C11orf65: variants seen among roughly 807,000 people sequenced by gnomAD.
The protein encoded by C11orf65 is chromosome 11 open reading frame 65, also known as protein MFI.
In C11orf65, 38 loss-of-function variants were observed where a neutral mutation model predicts 35.3. That is an observed-to-expected ratio of 1.08 (90% CI 0.83 to 1.41). The LOEUF is 1.41. Ranked by LOEUF, C11orf65 falls within the 40% of genes most tolerant of loss-of-function variation. The pLI, the probability that C11orf65 is intolerant of heterozygous loss-of-function variation, is 0.00. For synonymous variants in C11orf65, 105 were observed against 114.4 expected (o/e 0.92, Z 0.53); for missense variants, 370 against 367.1 (o/e 1.01, Z -0.06).
At position 108,383,030 on chromosome 11, in the gene C11orf65, A is replaced by C. The variant is rs139000214; in HGVS notation, c.933T>G (p.Tyr311Ter). ...NVTRLTPDST[Y>*]GL ...ATAGAAATAAAGTACTTTATAGTCC[A>C]TAAGTAGAATCAGGCGTTAATCTAG... Residue 311 changes from tyrosine (Y) to a stop codon, truncating the protein, a stop_gained, in exon 9 of 9, where the codon TAT becomes TAG. Transcript: ENST00000393084. LOFTEE classifies it high-confidence loss of function. The C allele has an allele frequency of 6.2e-7, 1 of 1,610,944 alleles. No homozygotes were observed. Among genetic ancestry groups the C allele is most frequent in the Non-Finnish European group, 8.5e-7 (1 of 1,179,320 alleles).
At chr11:108,433,247 A>ATC (rs2093015544) in intron 2 of C11orf65, among the ~76,000 whole-genome samples, 1 of 149,180 alleles carries the variant, frequency 6.7e-6, no homozygotes, top group Admixed American at 6.7e-5. Context: ...AAATTTATAT[A>ATC]TATATATCTC....
rs2084051654 is a variant in C11orf65, at chr11:108,310,410, A to ATT, written c.641-1341_641-1340dup. 5 of 1,150,970 alleles carry ATT rather than the reference A, an allele frequency of 4.3e-6. No individual in the cohort carries two copies. The South Asian group carries it at 6.1e-5, about 14-fold the overall frequency. 71.3% of individuals were successfully genotyped at this position (1,150,970 alleles called of 1,614,324 possible). On this transcript the variant is annotated intron_variant, in intron 6 of 6. Transcript: ENST00000525729. ...AGATTTATTTTGCCTCCTGTTCCCC[A>ATT]TTTAAAAGATATTTTAGATAGAAAT...
chr11:108,336,135 A>G lies in C11orf65; in HGVS notation c.227-843T>C. On this transcript the variant is annotated intron_variant, in intron 2 of 3. Coordinates refer to the C11orf65 transcript ENST00000524755. Reference sequence around the variant, plus strand: ...AACATAGTGAGACCCCATCTTGACAAAAAGTTAAAAAAAAAAAAAAAGCCA... The same window carrying G: ...AACATAGTGAGACCCCATCTTGACAGAAAGTTAAAAAAAAAAAAAAAGCCA... The G allele has an allele frequency of 5.4e-6, 3 of 557,824 alleles. No homozygotes were observed. The South Asian group carries it at 6.2e-5, about 12-fold the overall frequency. The allele number at this position is 557,824 out of a possible 1,614,324, so 34.6% of individuals were successfully genotyped here. A position where few individuals can be genotyped will look rare whatever the true frequency, so the allele number is the denominator to read the frequency against.
chr11:108,404,586 C>CT (rs71047693), intron 6 of C11orf65, among the ~76,000 whole-genome samples: 5,433 of 136,776 alleles, frequency 0.04, 300 homozygotes, highest in African/African-American at 0.12. Flanking sequence ...TTTTTCTTTT[C>CT]TTTTTTTTTT....
At chr11:108,462,446 A>T (rs1263859815) in intron 1 of C11orf65, 1 of 152,266 alleles carries the variant, frequency 6.6e-6, no homozygotes, top group East Asian at 1.9e-4. Flanking sequence ...TGCTTGTGTT[A>T]GAGATGAGGA....
At chr11:108,443,456 A>C (rs1439592916) in intron 2 of C11orf65, among the ~76,000 whole-genome samples, 1 of 152,216 alleles carries the variant, frequency 6.6e-6, no homozygotes, top group South Asian at 2.1e-4. Flanking sequence ...AATTGAACTC[A>C]GCTCTGCACC....
At chr11:108,325,631 G>A (rs1386993676) in intron 6 of C11orf65, 4 of 1,122,956 alleles carry the variant, frequency 3.6e-6, no homozygotes, top group Admixed American at 2.0e-5. Flanking sequence ...AAAAAGAAAT[G>A]TCATTAAGAG....
rs140358542 is a variant in C11orf65, at chr11:108,407,749, G to A, written c.175-600C>T. ...AATGAGGTCAGGAGATCGAGACCACGGTGAAACCCCGTCTCTACTAAAAAT... is the reference window on the plus strand; with the variant it reads ...AATGAGGTCAGGAGATCGAGACCACAGTGAAACCCCGTCTCTACTAAAAAT... On this transcript the variant is annotated intron_variant, in intron 3 of 8. Coordinates refer to ENST00000393084, the MANE Select transcript of C11orf65 (RefSeq NM_152587.5). 7.9e-3 allele frequency among the ~76,000 whole-genome samples: 1,198 copies of A among 150,838 alleles called. 8 individuals are homozygous for A. Among genetic ancestry groups the A allele is most frequent in the African/African-American group, 0.025 (1,014 of 41,268 alleles).
intron 2 of C11orf65, among the ~76,000 whole-genome samples, chr11:108,453,803 C>T (rs74680815): frequency 0.012 from 1,888 of 152,226 alleles, 48 homozygotes; most frequent in African/African-American, 0.042. Context: ...ATTCAGTTTG[C>T]TAGTATTTGG....
intron 2 of C11orf65, chr11:108,346,057 C>G (rs2088342335): frequency 2.3e-6 from 2 of 851,844 alleles, no homozygotes; most frequent in African/African-American, 1.7e-5. Context: ...ATTATTAAAT[C>G]ATATGTTTCT....
At chr11:108,448,178 G>A (rs56348102) in intron 2 of C11orf65, among the ~76,000 whole-genome samples, 16,226 of 152,148 alleles carry the variant, frequency 0.11, 1,205 homozygotes, top group Non-Finnish European at 0.15. Context: ...GGACCAGATG[G>A]ATTCACAGCT....
downstream of C11orf65, chr11:108,331,214 C>T: frequency 8.2e-7 from 1 of 1,219,866 alleles, no homozygotes; most frequent in Non-Finnish European, 1.0e-6. Flanking sequence ...GTTCTGAATC[C>T]AGTTTAATTT....
At chr11:108,438,808 C>A (rs1020606462) in intron 2 of C11orf65, among the ~76,000 whole-genome samples, 9 of 151,986 alleles carry the variant, frequency 5.9e-5, no homozygotes, top group African/African-American at 2.2e-4. Context: ...GAGTTTGAGA[C>A]CAGTCTGGCC....
intron 3 of C11orf65, 21 bp from the exon 4 acceptor site, chr11:108,407,170 C>A: frequency 6.7e-7 from 1 of 1,496,262 alleles, no homozygotes; most frequent in Non-Finnish European, 9.1e-7. Context: ...ATATATTATT[C>A]TTATATATTA....
At chr11:108,451,427 A>G (rs1480223691) in intron 2 of C11orf65, among the ~76,000 whole-genome samples, 1 of 152,036 alleles carries the variant, frequency 6.6e-6, no homozygotes, top group Non-Finnish European at 1.5e-5. Flanking sequence ...AGAATAAAAT[A>G]TCTAGGAATC....
At chr11:108,403,420 G>GTT (rs869122131) in intron 6 of C11orf65, among the ~76,000 whole-genome samples, 2 of 119,682 alleles carry the variant, frequency 1.7e-5, no homozygotes, top group Non-Finnish European at 3.2e-5. Flanking sequence ...TTTTTTTTTT[G>GTT]TTTTTTTTTT....
chr11:108,335,362 A>ATGTTTCTTATAAAACAT (rs2136676338), intron 2 of C11orf65: 2 of 1,202,846 alleles, frequency 1.7e-6, no homozygotes, highest in East Asian at 6.2e-5. Flanking sequence ...AGACATGTAC[A>ATGTTTCTTATAAAACAT]GTGAGGTTGC....
intron 2 of C11orf65, among the ~76,000 whole-genome samples, chr11:108,437,707 TAAAAAAAAA>T (rs145337876): frequency 2.4e-4 from 9 of 38,030 alleles, no homozygotes; most frequent in African/African-American, 5.7e-4. Context: ...GACTCAGTCT[TAAAAAAAAA>T]AAAAAAAAAA....
intron 6 of C11orf65, among the ~76,000 whole-genome samples, chr11:108,400,849 G>A (rs1021196644): frequency 2.0e-5 from 3 of 152,148 alleles, no homozygotes; most frequent in Non-Finnish European, 4.4e-5. Context: ...GCTCATGCCT[G>A]TAATCCCAGC....
Sources: gnomAD v4.1 joint callset for allele counts (sites outside exome capture counted in the v4.1 genomes callset) on GRCh38, gnomAD v4.1.1 for gene constraint, MANE v1.5 for transcripts, NCBI Gene and HGNC (gene_info 2026-07-23, HGNC 2026-07-21) for gene names.